Variants in PAFAH1B2 observed in about 807,000 individuals in gnomAD.
PAFAH1B2 encodes platelet-activating factor acetylhydrolase IB subunit alpha2.
A neutral mutation model predicts 28.0 loss-of-function variants in PAFAH1B2; 8 were observed. The observed-to-expected ratio is 0.29, with a 90% CI of 0.17 to 0.52. The LOEUF (loss-of-function observed/expected upper bound fraction) is 0.52. Ranked by LOEUF, PAFAH1B2 falls within the 20% of genes least tolerant of loss-of-function variation. PAFAH1B2 has a pLI of 0.97. For missense variants in PAFAH1B2, 190 were observed against 282.6 expected (o/e 0.67, Z 2.35); for synonymous variants, 104 against 103.2 (o/e 1.01, Z -0.05).
chr11:117,160,076 A>T, intron 3 of PAFAH1B2, 53 bp downstream of exon 3: 1 of 1,177,472 alleles, frequency 8.5e-7, no homozygotes, highest in Non-Finnish European at 1.3e-6. Flanking sequence ...ATATCCATTC[A>T]TTACTAACAG....
chr11:117,171,729 C>T (rs1192928259), downstream of PAFAH1B2: 40 of 1,535,896 alleles, frequency 2.6e-5, no homozygotes, highest in Non-Finnish European at 3.3e-5. Flanking sequence ...CAGCAACTAC[C>T]AGGCCAGCAA....
intron 2 of PAFAH1B2, among the ~76,000 whole-genome samples, chr11:117,155,254 G>T (rs1956233657): frequency 6.6e-6 from 1 of 152,100 alleles, no homozygotes; most frequent in Non-Finnish European, 1.5e-5. Context: ...CACATCCCTG[G>T]CCTAAAAGGT....
At chr11:117,171,765 A>G, downstream of PAFAH1B2, 2 of 1,531,692 alleles carry the variant, frequency 1.3e-6, no homozygotes, top group South Asian at 2.4e-5. Flanking sequence ...GTATGCCGGT[A>G]TGATGTTCCT....
In PAFAH1B2 at chr11:117,169,986, T is replaced by C. The variant is rs1189208338; in HGVS notation, c.*2287T>C. On this transcript the variant is annotated 3_prime_UTR_variant, in exon 6 of 6. Coordinates refer to ENST00000527958, the MANE Select transcript of PAFAH1B2 (RefSeq NM_002572.4). ...CATGTGTACAAACCTCAGATGTTAC[T>C]ACATTTTATATCTACCAGAGCTATT... is the stretch of plus-strand genomic sequence containing the variant. 2.8e-6 allele frequency: 3 copies of C among 1,053,720 alleles called. No homozygotes were observed. The highest frequency in any genetic ancestry group is 5.5e-5 in the Admixed American group (1 of 18,348). 65.3% of individuals were successfully genotyped at this position (1,053,720 alleles called of 1,614,324 possible).
chr11:117,158,311 A>G (rs899577560), intron 2 of PAFAH1B2, among the ~76,000 whole-genome samples: 4 of 151,966 alleles, frequency 2.6e-5, no homozygotes, highest in African/African-American at 9.7e-5. Flanking sequence ...CTAAAGTGCT[A>G]AGATTATGGA....
downstream of PAFAH1B2, among the ~76,000 whole-genome samples, chr11:117,173,110 T>C (rs1956708422): frequency 1.3e-5 from 2 of 152,220 alleles, no homozygotes; most frequent in African/African-American, 4.8e-5. Flanking sequence ...GACGGTCAAG[T>C]ATTTATCTGC....
intron 1 of PAFAH1B2, among the ~76,000 whole-genome samples, chr11:117,144,763 G>C (rs1384833607): frequency 6.6e-6 from 1 of 151,032 alleles, no homozygotes; most frequent in African/African-American, 2.4e-5. Context: ...GCCCTGCCCT[G>C]CCCTGCCGGG....
chr11:117,156,422 G>C (rs984006567), intron 2 of PAFAH1B2, among the ~76,000 whole-genome samples: 1 of 152,134 alleles, frequency 6.6e-6, no homozygotes, highest in Non-Finnish European at 1.5e-5. Context: ...TGGAAAGTAG[G>C]TAAGCTAGAA....
At chr11:117,164,069 A>T (rs1169931542) in intron 5 of PAFAH1B2, 177 bp downstream of exon 5, 2 of 597,430 alleles carry the variant, frequency 3.3e-6, no homozygotes. Context: ...CATTCCCCAT[A>T]CCAGCTGTGG....
rs2134225730 is a variant in PAFAH1B2, at chr11:117,170,541, A to G, written c.*2842A>G. Reference sequence around the variant, plus strand: ...CTTGAACTGTCAGGGGCATCTGCCTAAACCAGAATCTTTTGTCAGAAACCT... The same window carrying G: ...CTTGAACTGTCAGGGGCATCTGCCTGAACCAGAATCTTTTGTCAGAAACCT... On this transcript the variant is annotated 3_prime_UTR_variant, in exon 6 of 6. Coordinates refer to ENST00000527958, the MANE Select transcript of PAFAH1B2 (RefSeq NM_002572.4). 9.4e-7 allele frequency: 1 copy of G among 1,059,680 alleles called. No individual in the cohort carries two copies. The highest frequency in any genetic ancestry group is 5.5e-5 in the Admixed American group (1 of 18,348). The allele number at this position is 1,059,680 out of a possible 1,614,324, so 65.6% of individuals were successfully genotyped here.
intron 5 of PAFAH1B2, among the ~76,000 whole-genome samples, chr11:117,165,642 A>G (rs1009905502): frequency 3.9e-5 from 6 of 152,214 alleles, no homozygotes; most frequent in African/African-American, 1.4e-4. Context: ...TGTTTAACAA[A>G]AGTTGACATC....
Position 117,157,232 on chromosome 11 carries a change from A to G in PAFAH1B2, c.82-2702A>G, listed in dbSNP as rs144600500. ...GGAAGCAAGGAAAAAGCTGTCCCTA[A>G]TCCTGTCACCCTAAGAGAGGAAGTG... On this transcript the variant is annotated intron_variant, in intron 2 of 5. Coordinates refer to ENST00000527958, the MANE Select transcript of PAFAH1B2 (RefSeq NM_002572.4). Among the ~76,000 whole-genome samples, 278 of 152,106 alleles carry G rather than the reference A, an allele frequency of 1.8e-3. No homozygotes were observed. The Middle Eastern group carries it at 0.027, about 15-fold the overall frequency.
At chr11:117,172,387 TATATATATATA>T (rs1956685520), downstream of PAFAH1B2, among the ~76,000 whole-genome samples, 5 of 2,172 alleles carry the variant, frequency 2.3e-3, no homozygotes, top group East Asian at 0.026. Flanking sequence ...TATATATATA[TATATATATATA>T]TATATATTTT....
chr11:117,175,196 G>T, downstream of PAFAH1B2: 1 of 1,116,712 alleles, frequency 9.0e-7, no homozygotes, highest in East Asian at 4.4e-5. Context: ...TATTATGCCA[G>T]GGAATGCGGT....
downstream of PAFAH1B2, chr11:117,175,561 T>C (rs765803369): frequency 3.8e-5 from 42 of 1,116,072 alleles, no homozygotes; most frequent in African/African-American, 4.8e-5. Context: ...TCTCCAGATA[T>C]TGCCAGCGGA....
intron 2 of PAFAH1B2, among the ~76,000 whole-genome samples, chr11:117,157,032 C>CAAAAAAA (rs201278098): frequency 1.5e-5 from 1 of 67,770 alleles, no homozygotes; most frequent in Non-Finnish European, 3.2e-5. Context: ...CTCAAAATCT[C>CAAAAAAA]AAAAAAGAAA....
intron 1 of PAFAH1B2, 64 bp from the exon 2 acceptor site, chr11:117,152,377 A>C: frequency 2.1e-6 from 2 of 932,230 alleles, no homozygotes; most frequent in South Asian, 2.7e-5. Context: ...GATGTGTATA[A>C]TATTTAAGTG....
At chr11:117,147,308 G>A (rs1007020909) in intron 1 of PAFAH1B2, among the ~76,000 whole-genome samples, 4 of 152,140 alleles carry the variant, frequency 2.6e-5, no homozygotes, top group African/African-American at 9.7e-5. Context: ...TTTTGAGACA[G>A]GGTCTTGCTC....
At chr11:117,173,949 A>G (rs1257873982), downstream of PAFAH1B2, among the ~76,000 whole-genome samples, 1 of 152,204 alleles carries the variant, frequency 6.6e-6, no homozygotes, top group African/African-American at 2.4e-5. Context: ...AGAAAGCTTC[A>G]GGTTCATTTC....
Sources: allele counts gnomAD v4.1 joint callset (sites outside exome capture counted in the v4.1 genomes callset), GRCh38; gene constraint gnomAD v4.1.1; transcripts MANE v1.5; gene names NCBI Gene and HGNC (gene_info 2026-07-23, HGNC 2026-07-21).